The following TGFBR3L variants were observed in gnomAD, a reference collection of about 807,000 sequenced individuals.
TGFBR3L encodes the protein transforming growth factor beta receptor 3 like.
Under a neutral mutation model 20.4 loss-of-function variants are expected in TGFBR3L, and 21 were observed. The observed-to-expected ratio is 1.03, with a 90% CI of 0.73 to 1.48. TGFBR3L has a LOEUF of 1.48. Ranked by LOEUF, TGFBR3L falls within the 40% of genes most tolerant of loss-of-function variation. TGFBR3L has a pLI of 0.00. For synonymous variants in TGFBR3L, 245 were observed against 244.2 expected, an observed-to-expected ratio of 1.00 and a Z score of -0.03; for missense variants, 479 against 498.0, an observed-to-expected ratio of 0.96 and a Z score of 0.36.
intron 3 of TGFBR3L, 25 bp from the exon 5 acceptor site, chr19:7,917,676 A>G: frequency 1.4e-6 from 2 of 1,424,688 alleles, no homozygotes; most frequent in Admixed American, 2.8e-5. Flanking sequence ...AGCTGGACCC[A>G]GTCTCAGCGT....
At chr19:7,917,061 G>T (rs903497638) in intron 2 of TGFBR3L, 119 bp downstream of exon 3, 6 of 1,210,658 alleles carry the variant, frequency 5.0e-6, no homozygotes, top group Non-Finnish European at 6.2e-6. Context: ...GTTGGGGGAG[G>T]TGGGGCGCAA....
In TGFBR3L at chr19:7,916,638, C is replaced by T. The variant is rs1425818179; in HGVS notation, c.293C>T (p.Pro98Leu). ...GTCCCCCAGGCGGCCTTGGCCCGTC[C>T]CTCCCCGCGCTGGGGCCTGGCCCTG... Residue 98 changes from proline to leucine, a missense_variant, in exon 2 of 6, where the codon CCC becomes CTC. Pro to Leu is a moderately conservative substitution (Grantham distance 98, BLOSUM62 -3). Coordinates refer to ENST00000565886, the MANE Select transcript of TGFBR3L (RefSeq NM_001195259.2). The T allele has an allele frequency of 7.0e-7, 1 of 1,421,598 alleles. No individual in the cohort carries two copies. The allele number at this position is 1,421,598 out of a possible 1,614,324, so 88.1% of individuals were successfully genotyped here.
chr19:7,918,017 G>A (rs1250507007), intron 4 of TGFBR3L, 40 bp from the exon 6 acceptor site: 2 of 1,524,680 alleles, frequency 1.3e-6, no homozygotes, highest in South Asian at 1.2e-5. Context: ...GCCTGGCGTG[G>A]CGCGCAGCAG....
In TGFBR3L at chr19:7,916,290, C is replaced by T; in HGVS notation, c.23C>T (p.Thr8Ile). The change falls in exon 1 of 6, where the codon ACC becomes ATC. Residue 8 changes from threonine to isoleucine, a missense_variant. Thr to Ile is a moderately conservative substitution (Grantham distance 89, BLOSUM62 -1). Coordinates refer to ENST00000565886, the MANE Select transcript of TGFBR3L (RefSeq NM_001195259.2). ...ATCATGGGTGAATCGGCCGCCGCAA[C>T]CGCATCCCTTTTCCAAAGGCGGCGG... 6.5e-7 allele frequency: 1 copy of T among 1,535,372 alleles called. No individual in the cohort carries two copies.
chr19:7,917,370 G>T (rs1983357823), intron 2 of TGFBR3L, 103 bp from the exon 4 acceptor site: 1 of 1,402,384 alleles, frequency 7.1e-7, no homozygotes, highest in Non-Finnish European at 9.3e-7. Context: ...TCTTGGCTGT[G>T]GTGGAGAGCT....
chr19:7,917,486 A>C lies in TGFBR3L; in HGVS notation c.611A>C (p.Asp204Ala). 2 of 1,526,582 alleles carry C rather than the reference A, an allele frequency of 1.3e-6. No individual in the cohort carries two copies. The highest frequency in any genetic ancestry group is 1.7e-6 in the Non-Finnish European group (2 of 1,143,158). The allele number at this position is 1,526,582 out of a possible 1,614,324, so 94.6% of individuals were successfully genotyped here. The change falls in exon 3 of 6, where the codon GAC becomes GCC. Residue 204 changes from aspartate (D) to alanine (A), a missense_variant. Physicochemically the swap from Asp to Ala is moderately radical, Grantham distance 126. Coordinates refer to ENST00000565886, the MANE Select transcript of TGFBR3L (RefSeq NM_001195259.2). ...CCTCTCCCCCAGTGTCTGCCTCAGG[A>C]CGAGGCGTGCGCCGACACTGGCAGT...
chr19:7,917,507 G>C lies in TGFBR3L; in HGVS notation c.632G>C (p.Gly211Ala). 5 of 1,525,862 alleles carry C rather than the reference G, an allele frequency of 3.3e-6. No individual in the cohort carries two copies. Among genetic ancestry groups the C allele is most frequent in the Non-Finnish European group, 4.4e-6 (5 of 1,142,820 alleles). 94.5% of individuals were successfully genotyped at this position (1,525,862 alleles called of 1,614,324 possible). A position where few individuals can be genotyped will look rare whatever the true frequency, so the allele number is the denominator to read the frequency against. Residue 211 changes from glycine to alanine, a missense_variant, in exon 3 of 6, where the codon GGC becomes GCC. By Grantham distance (60) the Gly-to-Ala change is moderately conservative. Transcript: ENST00000565886. ...CAGGACGAGGCGTGCGCCGACACTGGCAGTGGCAGCGCCGAGGGCCTGGCT... is the reference window on the plus strand; with the variant it reads ...CAGGACGAGGCGTGCGCCGACACTGCCAGTGGCAGCGCCGAGGGCCTGGCT...
At chr19:7,918,814 C>A (rs1983443397) in intron 5 of TGFBR3L, 103 bp from the exon 7 acceptor site, 1 of 397,968 alleles carries the variant, frequency 2.5e-6, no homozygotes. Context: ...CTCCCACTCT[C>A]ACCCCGGCAT....
chr19:7,916,157 TTC>T lies in TGFBR3L; in HGVS notation c.-107_-106del. 10 of 1,438,552 alleles carry T rather than the reference TTC, an allele frequency of 7.0e-6. No homozygotes were observed. The highest frequency in any genetic ancestry group is 9.1e-6 in the Non-Finnish European group (10 of 1,100,012). 89.1% of individuals were successfully genotyped at this position (1,438,552 alleles called of 1,614,324 possible). On this transcript the variant is annotated 5_prime_UTR_variant, in exon 1 of 6. Transcript: ENST00000565886. Reference sequence around the variant, plus strand: ...GGAGGGCTTCGCCAGCTTCGGAGGCTTCTCTAGGGGCGCATGGCTCTGCAACC... The same window carrying T: ...GGAGGGCTTCGCCAGCTTCGGAGGCTTCTAGGGGCGCATGGCTCTGCAACC...
intron 4 of TGFBR3L, 94 bp from the exon 6 acceptor site, chr19:7,917,963 C>T: frequency 6.8e-7 from 1 of 1,462,860 alleles, no homozygotes; most frequent in Non-Finnish European, 9.0e-7. Flanking sequence ...CCTAGCTAGG[C>T]CTGCCTCCGC....
chr19:7,918,220 T>A, intron 5 of TGFBR3L, 91 bp downstream of exon 6: 1 of 735,432 alleles, frequency 1.4e-6, no homozygotes. Context: ...CTGTGGTTTT[T>A]TTGTTTGTTT....
chr19:7,917,021 A>G (rs1283737490), intron 2 of TGFBR3L, 79 bp downstream of exon 3: 5 of 1,211,578 alleles, frequency 4.1e-6, no homozygotes, highest in Non-Finnish European at 5.2e-6. Context: ...CAGTGGAAAG[A>G]GGATACTCTC....
rs1404407954 is a variant in TGFBR3L, at chr19:7,916,429, C to T, written c.162C>T (p.Pro54=). Reference sequence around the variant, plus strand: ...CAGCTCCCCCGTTCCCCGCGGCGCCCGGCCCCTGGCTGCGCAGACCCCTCT... The same window carrying T: ...CAGCTCCCCCGTTCCCCGCGGCGCCTGGCCCCTGGCTGCGCAGACCCCTCT... Residue 54 remains proline, a synonymous_variant, in exon 1 of 6, where the codon CCC becomes CCT. Coordinates refer to ENST00000565886, the MANE Select transcript of TGFBR3L (RefSeq NM_001195259.2). 17 of 1,534,512 alleles carry T rather than the reference C, an allele frequency of 1.1e-5. No individual in the cohort carries two copies. Among genetic ancestry groups the T allele is most frequent in the Non-Finnish European group, 1.5e-5 (17 of 1,146,268 alleles).
intron 5 of TGFBR3L, among the ~76,000 whole-genome samples, 188 bp downstream of exon 6, chr19:7,918,317 A>G (rs1354488901): frequency 2.0e-5 from 3 of 151,736 alleles, no homozygotes; most frequent in African/African-American, 7.3e-5. Context: ...GCTCACCGCA[A>G]CCTCTGCCTC....
In TGFBR3L at chr19:7,917,554, A is replaced by C; in HGVS notation, c.679A>C (p.Thr227Pro). ...GGCTGCTGACGGCCCCCACCTGCAC[A>C]CGCTGACGCAGCCTATCGTGGTCAC... The change falls in exon 3 of 6, where the codon ACG (threonine) becomes CCG (proline). Residue 227 changes from threonine (T) to proline (P), a missense_variant. Physicochemically the swap from Thr to Pro is conservative, Grantham distance 38 (BLOSUM62 -1). Coordinates refer to ENST00000565886, the MANE Select transcript of TGFBR3L (RefSeq NM_001195259.2). 1 of 1,518,320 alleles carries C rather than the reference A, an allele frequency of 6.6e-7. No individual in the cohort carries two copies. The allele number at this position is 1,518,320 out of a possible 1,614,324, so 94.1% of individuals were successfully genotyped here.
In TGFBR3L at chr19:7,915,095, C is replaced by G. The variant is rs988809354; in HGVS notation, c.-1173C>G. The stretch of plus-strand genomic sequence containing the variant: ...GTTCAAGTGATTCTCCTGCCTCAGC[C>G]TCCTGAGTAGCTGGGACTACAGGCA... On this transcript the variant is annotated 5_prime_UTR_variant, in exon 1 of 6. Coordinates refer to ENST00000565886, the MANE Select transcript of TGFBR3L (RefSeq NM_001195259.2). Among the ~76,000 whole-genome samples the G allele has an allele frequency of 1.3e-5, 2 of 152,214 alleles. No homozygotes were observed. Among genetic ancestry groups the G allele is most frequent in the South Asian group, 4.1e-4 (2 of 4,836 alleles).
chr19:7,918,163 A>T, intron 5 of TGFBR3L, 34 bp downstream of exon 6: 4 of 1,529,710 alleles, frequency 2.6e-6, no homozygotes, highest in Non-Finnish European at 3.5e-6. Context: ...TGGGTGAGGT[A>T]GGAGATCTGA....
At position 7,917,458 on chromosome 19, in the gene TGFBR3L, C is replaced by CT; in HGVS notation, c.598-13dup. ...CCTGATGTCCCCGTCTCTTCCCCAC[C>CT]TTCCTCTCCCCCAGTGTCTGCCTCA... On this transcript the variant is annotated splice_polypyrimidine_tract_variant and intron_variant, in intron 2 of 5. Transcript: ENST00000565886. The CT allele has an allele frequency of 2.0e-6, 3 of 1,522,418 alleles. No individual in the cohort carries two copies. The highest frequency in any genetic ancestry group is 2.6e-6 in the Non-Finnish European group (3 of 1,141,324). 94.3% of individuals were successfully genotyped at this position (1,522,418 alleles called of 1,614,324 possible).
rs555650520 is a variant in TGFBR3L at position 7,916,987 on chromosome 19, G to C, written c.597+45G>C. 10,408 of 1,268,482 alleles carry C rather than the reference G, an allele frequency of 8.2e-3. 49 individuals carry two copies. The highest frequency in any genetic ancestry group is 9.5e-3 in the Non-Finnish European group (9,570 of 1,012,300). 78.6% of individuals were successfully genotyped at this position (1,268,482 alleles called of 1,614,324 possible). On this transcript the variant is annotated intron_variant, in intron 2 of 5. Coordinates refer to ENST00000565886, the MANE Select transcript of TGFBR3L (RefSeq NM_001195259.2). ...GGAATCCGGGCGCTGGGGCCCTTCG[G>C]GGGCTGGGCACGGGCGACTCTGGCA...
Sources: gnomAD v4.1 joint callset for allele counts (sites outside exome capture counted in the v4.1 genomes callset) on GRCh38, gnomAD v4.1.1 for gene constraint, MANE v1.5 for transcripts, NCBI Gene and HGNC (gene_info 2026-07-23, HGNC 2026-07-21) for gene names.